Variants in CCL22 observed in about 807,000 individuals in gnomAD.
CCL22 encodes C-C motif chemokine ligand 22.
Under a neutral mutation model 7.6 loss-of-function variants are expected in CCL22, and 7 were observed. The ratio of observed to expected loss-of-function variants is 0.92; its 90% CI spans 0.52 to 1.72. The LOEUF (loss-of-function observed/expected upper bound fraction) is 1.72. CCL22 is among the 40% of genes most tolerant of loss of function. The probability of loss-of-function intolerance (pLI) is 0.00; values close to 1 mark genes in which losing one functional copy is unlikely to be tolerated. For synonymous variants in CCL22, 55 were observed against 47.2 expected, an observed-to-expected ratio of 1.17 and a Z score of -0.68; for missense variants, 115 against 124.7, an observed-to-expected ratio of 0.92 and a Z score of 0.37.
At chr16:57,363,386 T>A (rs1443952565) in intron 2 of CCL22, 118 bp from the exon 3 acceptor site, 1 of 646,606 alleles carries the variant, frequency 1.5e-6, no homozygotes, top group East Asian at 2.7e-5. Flanking sequence ...AGTAGGTGAC[T>A]CATAAATGCT....
chr16:57,362,690 A>G (rs957196248), intron 2 of CCL22, among the ~76,000 whole-genome samples: 2 of 151,836 alleles, frequency 1.3e-5, no homozygotes, highest in Non-Finnish European at 2.9e-5. Flanking sequence ...GTGAAAACCT[A>G]TCTCTACTAA....
chr16:57,361,649 C>T lies in CCL22; in HGVS notation c.197+1089C>T, dbSNP rs556650769. Among the ~76,000 whole-genome samples, 27 of 152,320 alleles carry T rather than the reference C, an allele frequency of 1.8e-4. No individual in the cohort carries two copies. The South Asian group carries it at 4.6e-3, about 26-fold the overall frequency. On this transcript the variant is annotated intron_variant, in intron 2 of 2. Coordinates refer to ENST00000219235, the MANE Select transcript of CCL22 (RefSeq NM_002990.5). ...CCTTTTCCCTGGCCTGGGGCCTGCA[C>T]CTGCACCTGGCTGGGTGACAAGTCC...
chr16:57,360,779 G>A (rs565039985), intron 2 of CCL22, among the ~76,000 whole-genome samples: 8 of 152,334 alleles, frequency 5.3e-5, no homozygotes, highest in Non-Finnish European at 1.0e-4. Flanking sequence ...ATCCTCAGGC[G>A]CTTACTAGGT....
At chr16:57,358,031 A>AG (rs1351416297), upstream of CCL22, among the ~76,000 whole-genome samples, 3 of 152,160 alleles carry the variant, frequency 2.0e-5, no homozygotes, top group East Asian at 5.8e-4. Flanking sequence ...GGCATTGAGG[A>AG]GGCCAGCATC....
At chr16:57,358,472 A>C (rs1206137896), upstream of CCL22, among the ~76,000 whole-genome samples, 1 of 152,218 alleles carries the variant, frequency 6.6e-6, no homozygotes, top group Non-Finnish European at 1.5e-5. Context: ...CAGATGGGGA[A>C]ACCAAGTCCC....
In CCL22 at chr16:57,363,590, G is replaced by C. The variant is rs746610367; in HGVS notation, c.*2G>C. 1 of 1,606,956 alleles carries C rather than the reference G, an allele frequency of 6.2e-7. No individual in the cohort carries two copies. Among genetic ancestry groups the C allele is most frequent in the East Asian group, 2.2e-5 (1 of 44,844 alleles). On this transcript the variant is annotated 3_prime_UTR_variant, in exon 3 of 3. Coordinates refer to ENST00000219235, the MANE Select transcript of CCL22 (RefSeq NM_002990.5). ...ATTCTCAATAAGCTGAGCCAATGAA[G>C]AGCCTACTCTGATGACCGTGGCCTT...
rs1037917818 is a variant in CCL22, at chr16:57,364,560, C to G, written c.*972C>G. ...ATGGTGTGGTCTTGGCTTATTGAAGCCTCTGCCTCCTGGGTTCAAGTGATT... is the reference window on the plus strand; with the variant it reads ...ATGGTGTGGTCTTGGCTTATTGAAGGCTCTGCCTCCTGGGTTCAAGTGATT... On this transcript the variant is annotated 3_prime_UTR_variant, in exon 3 of 3. Coordinates refer to ENST00000219235, the MANE Select transcript of CCL22 (RefSeq NM_002990.5). The G allele has an allele frequency of 6.7e-6, 1 of 150,228 alleles. No homozygotes were observed. Among genetic ancestry groups the G allele is most frequent in the Non-Finnish European group, 1.5e-5 (1 of 67,836 alleles). The allele number at this position is 150,228 out of a possible 1,614,324, so 9.3% of individuals were successfully genotyped here.
intron 1 of CCL22, 57 bp from the exon 2 acceptor site, chr16:57,360,378 GGC>G: frequency 6.2e-7 from 1 of 1,605,706 alleles, no homozygotes; most frequent in Non-Finnish European, 8.5e-7. Context: ...CAGGGGCTGG[GGC>G]CGAGGGTGAC....
chr16:57,363,644 A>G lies in CCL22; in HGVS notation c.*56A>G. Reference sequence around the variant, plus strand: ...TCCTCCAGGAAGGCTCAGGAGCCCTACCTCCCTGCCATTATAGCTGCTCCC... The same window carrying G: ...TCCTCCAGGAAGGCTCAGGAGCCCTGCCTCCCTGCCATTATAGCTGCTCCC... On this transcript the variant is annotated 3_prime_UTR_variant, in exon 3 of 3. Coordinates refer to ENST00000219235, the MANE Select transcript of CCL22 (RefSeq NM_002990.5). The G allele has an allele frequency of 9.4e-7, 1 of 1,068,984 alleles. No homozygotes were observed. Among genetic ancestry groups the G allele is most frequent in the South Asian group, 1.3e-5 (1 of 78,580 alleles). 66.2% of individuals were successfully genotyped at this position (1,068,984 alleles called of 1,614,324 possible).
chr16:57,358,733 C>A, upstream of CCL22: 1 of 1,023,488 alleles, frequency 9.8e-7, no homozygotes, highest in Non-Finnish European at 1.6e-6. Context: ...GTAAGTGAGG[C>A]TTGTGGGTGG....
rs1406276409 is a variant in CCL22 at position 57,358,884 on chromosome 16, A to G, written c.68A>G (p.Glu23Gly). The G allele has an allele frequency of 6.2e-7, 1 of 1,612,968 alleles. No individual in the cohort carries two copies. Among genetic ancestry groups the G allele is most frequent in the Admixed American group, 1.7e-5 (1 of 60,022 alleles). Reference sequence around the variant, plus strand: ...CTTGCTGTGGCGCTTCAAGCAACTGAGGCAGGTGAGGCTGGGGAGCAGGAA... The same window carrying G: ...CTTGCTGTGGCGCTTCAAGCAACTGGGGCAGGTGAGGCTGGGGAGCAGGAA... Reference protein sequence around the residue: ...VLLAVALQATEAGPYGANMED... With the variant: ...VLLAVALQATGAGPYGANMED... Residue 23 changes from glutamate to glycine, a missense_variant, in exon 1 of 3, where the codon GAG (glutamate) becomes GGG (glycine). Glu to Gly is a moderately conservative substitution (Grantham distance 98, BLOSUM62 -2). Coordinates refer to ENST00000219235, the MANE Select transcript of CCL22 (RefSeq NM_002990.5).
At chr16:57,359,663 G>A (rs1183160967) in intron 1 of CCL22, among the ~76,000 whole-genome samples, 13 of 149,734 alleles carry the variant, frequency 8.7e-5, no homozygotes, top group Admixed American at 3.3e-4. Context: ...TTGAGATGGA[G>A]TCTCTGTTGC....
intron 1 of CCL22, among the ~76,000 whole-genome samples, chr16:57,359,367 G>A (rs1182562281): frequency 1.3e-5 from 2 of 152,004 alleles, no homozygotes; most frequent in African/African-American, 4.8e-5. Context: ...CCAGGATGGA[G>A]TGCAGTGGGG....
chr16:57,359,274 C>G (rs532024239), intron 1 of CCL22, among the ~76,000 whole-genome samples: 1 of 151,912 alleles, frequency 6.6e-6, no homozygotes, highest in African/African-American at 2.4e-5. Context: ...TGCCCTCCCA[C>G]CATCCATTTT....
intron 2 of CCL22, among the ~76,000 whole-genome samples, chr16:57,361,475 T>G (rs1022547801): frequency 2.6e-5 from 4 of 152,158 alleles, no homozygotes; most frequent in Non-Finnish European, 5.9e-5. Context: ...ACGATTCCCA[T>G]GGTAGAGATG....
Position 57,364,905 on chromosome 16 carries a change from C to T in CCL22, c.*1317C>T, listed in dbSNP as rs223823. On this transcript the variant is annotated 3_prime_UTR_variant, in exon 3 of 3. Transcript: ENST00000219235. ...ACAACCTCGACCTCCTGGGTTCAAG[C>T]GATTCTCCCACCCCAGCCTCCCAAG... 0.87 allele frequency: 130,486 copies of T among 150,496 alleles called. 57,343 individuals carry two copies. The highest frequency in any genetic ancestry group is 0.94 in the Non-Finnish European group (64,124 of 67,870). The allele number at this position is 150,496 out of a possible 1,614,324, so 9.3% of individuals were successfully genotyped here.
In CCL22 at chr16:57,366,009, C is replaced by T. The variant is rs1479918891; in HGVS notation, c.*2421C>T. 6.6e-6 allele frequency: 1 copy of T among 152,258 alleles called. No individual in the cohort carries two copies. The highest frequency in any genetic ancestry group is 2.4e-5 in the African/African-American group (1 of 41,464). 9.4% of individuals were successfully genotyped at this position (152,258 alleles called of 1,614,324 possible). On this transcript the variant is annotated 3_prime_UTR_variant, in exon 3 of 3. Coordinates refer to ENST00000219235, the MANE Select transcript of CCL22 (RefSeq NM_002990.5). ...AGTGACACTGCCTAGGCATCCAGCT[C>T]AGTGTCATCCAGGGCCTGTGTCCCT...
At chr16:57,361,454 G>A (rs1902048847) in intron 2 of CCL22, among the ~76,000 whole-genome samples, 1 of 152,062 alleles carries the variant, frequency 6.6e-6, no homozygotes, top group African/African-American at 2.4e-5. Flanking sequence ...ACAATCCTAC[G>A]AGGAAGTTCA....
Position 57,358,804 on chromosome 16 carries a change from TACAGGACAG to T in CCL22, c.-11_-3del. On this transcript the variant is annotated 5_prime_UTR_variant, in exon 1 of 3. Coordinates refer to ENST00000219235, the MANE Select transcript of CCL22 (RefSeq NM_002990.5). ...CTTTGCAGACACCTGGGCTGAGACA[TACAGGACAG>T]AGCATGGATCGCCTACAGACTGCAC... 6.2e-7 allele frequency: 1 copy of T among 1,607,112 alleles called. No individual in the cohort carries two copies. Among genetic ancestry groups the T allele is most frequent in the Non-Finnish European group, 8.5e-7 (1 of 1,173,642 alleles).
Sources: gnomAD v4.1 joint callset for allele counts (sites outside exome capture counted in the v4.1 genomes callset) on GRCh38, gnomAD v4.1.1 for gene constraint, MANE v1.5 for transcripts, NCBI Gene and HGNC (gene_info 2026-07-23, HGNC 2026-07-21) for gene names.